The following SMIM35 variants were observed in gnomAD, a reference collection of about 807,000 sequenced individuals.
SMIM35 encodes small integral membrane protein 35.
At chr11:118,030,270 A>G (rs528540742) in intron 1 of SMIM35, among the ~76,000 whole-genome samples, 163 of 152,130 alleles carry the variant, frequency 1.1e-3, no homozygotes, top group Non-Finnish European at 2.1e-3. Context: ...CCTGACCTCA[A>G]GTGATCCACC....
At chr11:118,041,520 T>C (rs1321626784) in intron 1 of SMIM35, among the ~76,000 whole-genome samples, 1 of 152,090 alleles carries the variant, frequency 6.6e-6, no homozygotes, top group African/African-American at 2.4e-5. Context: ...ATTCTACAAA[T>C]ATGTGGAAAT....
At chr11:118,078,248 T>C (rs1257086874) in intron 1 of SMIM35, among the ~76,000 whole-genome samples, 1 of 151,938 alleles carries the variant, frequency 6.6e-6, no homozygotes, top group Non-Finnish European at 1.5e-5. Context: ...GAAGAGATAA[T>C]AACTGGGTCT....
chr11:118,010,494 C>T (rs1282262467), intron 4 of SMIM35, among the ~76,000 whole-genome samples: 3 of 152,204 alleles, frequency 2.0e-5, no homozygotes, highest in Non-Finnish European at 4.4e-5. Context: ...TCCTCCAGCA[C>T]GCTCCAGTTT....
intron 4 of SMIM35, among the ~76,000 whole-genome samples, chr11:118,007,069 A>G (rs1422647686): frequency 6.6e-6 from 1 of 152,130 alleles, no homozygotes; most frequent in Non-Finnish European, 1.5e-5. Flanking sequence ...GCACACGCAC[A>G]CACACACAGG....
intron 1 of SMIM35, among the ~76,000 whole-genome samples, chr11:118,063,179 G>A (rs1591306590): frequency 6.6e-6 from 1 of 152,358 alleles, no homozygotes; most frequent in East Asian, 1.9e-4. Context: ...TGTCTATGGA[G>A]TAGCCATTCT....
At chr11:118,007,882 T>TC (rs1333137392) in intron 4 of SMIM35, among the ~76,000 whole-genome samples, 2 of 151,922 alleles carry the variant, frequency 1.3e-5, no homozygotes, top group Admixed American at 6.6e-5. Flanking sequence ...TTCTTTTTTT[T>TC]TTTTTCTTTT....
intron 1 of SMIM35, among the ~76,000 whole-genome samples, chr11:118,026,347 C>T (rs1839501178): frequency 6.6e-6 from 1 of 152,166 alleles, no homozygotes; most frequent in African/African-American, 2.4e-5. Flanking sequence ...CTGGTCAATG[C>T]CTATACTGAG....
chr11:118,010,610 A>G (rs542964538), intron 4 of SMIM35, among the ~76,000 whole-genome samples: 2 of 152,234 alleles, frequency 1.3e-5, no homozygotes, highest in Non-Finnish European at 2.9e-5. Context: ...AATTCAGATC[A>G]AAATGGTTGG....
intron 1 of SMIM35, among the ~76,000 whole-genome samples, chr11:118,036,616 C>T (rs1374271898): frequency 6.6e-6 from 1 of 152,158 alleles, no homozygotes; most frequent in Non-Finnish European, 1.5e-5. Context: ...CCTTGGAGTG[C>T]CCCTCCAGCT....
chr11:118,014,845 G>T (rs964205338), intron 2 of SMIM35, 104 bp from the exon 3 acceptor site: 1 of 397,568 alleles, frequency 2.5e-6, no homozygotes, highest in South Asian at 1.3e-4. Flanking sequence ...TGGAGGAGTA[G>T]GGTGGCTGGG....
chr11:118,025,421 G>A (rs948318990), intron 1 of SMIM35: 3 of 437,986 alleles, frequency 6.8e-6, no homozygotes, highest in Non-Finnish European at 4.6e-6. Flanking sequence ...GTGTGTAAAC[G>A]TTCCCTTTCC....
intron 1 of SMIM35, among the ~76,000 whole-genome samples, chr11:118,055,220 A>C (rs562069221): frequency 5.9e-5 from 9 of 152,294 alleles, no homozygotes; most frequent in Non-Finnish European, 1.0e-4. Flanking sequence ...CTGGTATGAC[A>C]TTCCTGTTTG....
At chr11:118,021,459 T>C (rs2058230866) in intron 1 of SMIM35, among the ~76,000 whole-genome samples, 1 of 152,136 alleles carries the variant, frequency 6.6e-6, no homozygotes, top group Non-Finnish European at 1.5e-5. Flanking sequence ...TTTTTATAAT[T>C]TCCAATTATT....
intron 4 of SMIM35, among the ~76,000 whole-genome samples, chr11:118,012,340 C>T (rs1441272817): frequency 6.6e-6 from 1 of 152,210 alleles, no homozygotes; most frequent in Admixed American, 6.5e-5. Flanking sequence ...GGGCACAGAC[C>T]GGAGAAAGGA....
intron 1 of SMIM35, among the ~76,000 whole-genome samples, chr11:118,083,632 T>C (rs1420552164): frequency 6.6e-6 from 1 of 152,200 alleles, no homozygotes; most frequent in Non-Finnish European, 1.5e-5. Flanking sequence ...CTAATAAAAA[T>C]AATAGAATAT....
chr11:118,085,408 A>G (rs1291829219), intron 1 of SMIM35, among the ~76,000 whole-genome samples: 1 of 151,978 alleles, frequency 6.6e-6, no homozygotes, highest in Non-Finnish European at 1.5e-5. Flanking sequence ...TATTTTTAGT[A>G]GAGATGGGGT....
intron 1 of SMIM35, among the ~76,000 whole-genome samples, chr11:118,084,103 G>A (rs1945361076): frequency 2.0e-5 from 3 of 152,234 alleles, no homozygotes; most frequent in African/African-American, 7.2e-5. Context: ...TATATGCTAT[G>A]CATATCTGGG....
intron 1 of SMIM35, among the ~76,000 whole-genome samples, chr11:118,068,487 C>T (rs1030030369): frequency 1.3e-5 from 2 of 152,128 alleles, no homozygotes; most frequent in African/African-American, 2.4e-5. Flanking sequence ...TAGAGGCGCT[C>T]GTAAACGTTG....
At chr11:118,044,636 T>C (rs1458154578) in intron 1 of SMIM35, among the ~76,000 whole-genome samples, 1 of 151,886 alleles carries the variant, frequency 6.6e-6, no homozygotes, top group Admixed American at 6.6e-5. Context: ...TAGCCAGGCG[T>C]GGTGGCGGGC....
Sources: gnomAD v4.1 joint callset for allele counts (sites outside exome capture counted in the v4.1 genomes callset) on GRCh38, gnomAD v4.1.1 for gene constraint, MANE v1.5 for transcripts, NCBI Gene and HGNC (gene_info 2026-07-23, HGNC 2026-07-21) for gene names.